Variants in TBC1D5 observed in about 807,000 individuals in gnomAD.
TBC1D5 encodes TBC1 domain family member 5.
In TBC1D5, 75 loss-of-function variants were observed where a neutral mutation model predicts 100.3. The observed-to-expected ratio is 0.75, with a 90% CI of 0.62 to 0.91. TBC1D5 has a LOEUF of 0.91. TBC1D5 is among the 40% of genes least tolerant of loss of function. TBC1D5 has a pLI of 0.00. For synonymous variants in TBC1D5, 323 were observed against 325.6 expected, an observed-to-expected ratio of 0.99 and a Z score of 0.09; for missense variants, 910 against 942.4, an observed-to-expected ratio of 0.97 and a Z score of 0.45.
At chr3:17,706,016 C>T (rs2074106307) in intron 1 of TBC1D5, 1 of 1,525,050 alleles carries the variant, frequency 6.6e-7, no homozygotes, top group Non-Finnish European at 8.9e-7. Flanking sequence ...CTTGCTGTCA[C>T]CCAGCCTGGA....
intron 2 of TBC1D5, among the ~76,000 whole-genome samples, chr3:17,521,466 A>G (rs1576488730): frequency 1.3e-5 from 2 of 152,212 alleles, no homozygotes; most frequent in African/African-American, 4.8e-5. Context: ...CATACAAAAT[A>G]TGTGTTAATC....
At chr3:17,373,178 A>C (rs1575577182) in intron 12 of TBC1D5, among the ~76,000 whole-genome samples, 1 of 152,334 alleles carries the variant, frequency 6.6e-6, no homozygotes, top group African/African-American at 2.4e-5. Flanking sequence ...AGATGTATAA[A>C]AACAGATGGT....
At chr3:17,623,776 A>G (rs2062855690) in intron 2 of TBC1D5, 73 bp downstream of exon 2, 1 of 152,152 alleles carries the variant, frequency 6.6e-6, no homozygotes, top group South Asian at 2.1e-4. Context: ...CAAAACATAA[A>G]ATTGATTAAA....
At chr3:17,345,156 T>C (rs2089674268) in intron 13 of TBC1D5, among the ~76,000 whole-genome samples, 3 of 151,982 alleles carry the variant, frequency 2.0e-5, no homozygotes, top group African/African-American at 7.2e-5. Flanking sequence ...GAGAAAATTT[T>C]TGCAACCTAC....
chr3:17,238,662 A>G (rs2076071900), intron 16 of TBC1D5, among the ~76,000 whole-genome samples: 1 of 152,232 alleles, frequency 6.6e-6, no homozygotes, highest in South Asian at 2.1e-4. Flanking sequence ...AATAGAGCTA[A>G]CCCTGCTGGG....
chr3:17,238,555 T>C, intron 16 of TBC1D5, 136 bp from the exon 17 acceptor site: 1 of 1,028,802 alleles, frequency 9.7e-7, no homozygotes. Flanking sequence ...AAGTGAGAAG[T>C]GAAAAATTTA....
chr3:17,280,059 A>G (rs2733478), intron 15 of TBC1D5, among the ~76,000 whole-genome samples: 61,523 of 152,052 alleles, frequency 0.4, 13,100 homozygotes, highest in Middle Eastern at 0.5. Flanking sequence ...TCATTATTGC[A>G]GGTACCCTGG....
intron 1 of TBC1D5, among the ~76,000 whole-genome samples, chr3:17,656,926 A>G (rs1313638089): frequency 6.6e-6 from 1 of 152,192 alleles, no homozygotes; most frequent in Non-Finnish European, 1.5e-5. Flanking sequence ...AAGGAGCGAC[A>G]GGATGGCTGG....
chr3:17,214,542 A>C (rs1463888589), intron 17 of TBC1D5, among the ~76,000 whole-genome samples, 172 bp from the exon 19 acceptor site: 2 of 152,094 alleles, frequency 1.3e-5, no homozygotes, highest in Non-Finnish European at 2.9e-5. Context: ...CAGAATAGCC[A>C]CTGGTTTTCA....
intron 3 of TBC1D5, among the ~76,000 whole-genome samples, chr3:17,464,548 T>C (rs189870345): frequency 5.4e-4 from 82 of 152,324 alleles, no homozygotes; most frequent in Middle Eastern, 3.4e-3. Flanking sequence ...CAACAGAAAC[T>C]GGGTCATAGA....
At chr3:17,687,343 C>T (rs1281776462) in intron 1 of TBC1D5, among the ~76,000 whole-genome samples, 1 of 152,090 alleles carries the variant, frequency 6.6e-6, no homozygotes, top group Admixed American at 6.6e-5. Flanking sequence ...AATCCCAACA[C>T]TTTAAGAAAC....
intron 2 of TBC1D5, among the ~76,000 whole-genome samples, chr3:17,543,881 T>G (rs2096385610): frequency 6.6e-6 from 1 of 151,764 alleles, no homozygotes; most frequent in South Asian, 2.1e-4. Flanking sequence ...TTTTTTCTTT[T>G]TTTTTGAGAC....
chr3:17,523,724 A>C (rs995237364), intron 2 of TBC1D5, among the ~76,000 whole-genome samples: 18 of 152,338 alleles, frequency 1.2e-4, no homozygotes, highest in African/African-American at 4.1e-4. Flanking sequence ...TTTAAATAGC[A>C]GTTTGCAGTT....
At chr3:17,562,390 T>C (rs550705935) in intron 2 of TBC1D5, among the ~76,000 whole-genome samples, 2 of 151,890 alleles carry the variant, frequency 1.3e-5, no homozygotes, top group East Asian at 1.9e-4. Flanking sequence ...TAAAAGAAAT[T>C]AGAAGTATAA....
At chr3:17,536,818 G>T (rs2096286496) in intron 2 of TBC1D5, among the ~76,000 whole-genome samples, 2 of 152,224 alleles carry the variant, frequency 1.3e-5, no homozygotes, top group Admixed American at 1.3e-4. Context: ...TTAGGTGGCA[G>T]CTGGTTGAGA....
At chr3:17,296,471 C>T (rs961707359) in intron 14 of TBC1D5, among the ~76,000 whole-genome samples, 1 of 152,168 alleles carries the variant, frequency 6.6e-6, no homozygotes, top group Non-Finnish European at 1.5e-5. Flanking sequence ...TTTTGACTTT[C>T]CTAAGTACAA....
At chr3:17,181,727 T>C (rs2068475031) in intron 19 of TBC1D5, among the ~76,000 whole-genome samples, 7 of 152,224 alleles carry the variant, frequency 4.6e-5, no homozygotes. Flanking sequence ...GTCTTCTATT[T>C]TCTAAGCATA....
Position 17,214,639 on chromosome 3 carries a change from T to TAAAA in TBC1D5, c.1589-273_1589-270dup, listed in dbSNP as rs202019351. ...AGCATTGCACACATATAAAAAGAAC[T>TAAAA]AAAAAAAAAAAAAAATCAAAGTTTC... is the stretch of plus-strand genomic sequence containing the variant. On this transcript the variant is annotated intron_variant, in intron 17 of 21. Coordinates refer to ENST00000253692, the Ensembl canonical transcript of TBC1D5. 2.9e-3 allele frequency among the ~76,000 whole-genome samples: 393 copies of TAAAA among 133,444 alleles called. 2 individuals are homozygous for TAAAA. The highest frequency in any genetic ancestry group is 0.01 in the African/African-American group (372 of 36,914). The allele number at this position is 133,444 out of a possible 152,430, so 87.5% of individuals were successfully genotyped here.
At chr3:17,350,898 C>T (rs977328902) in intron 13 of TBC1D5, among the ~76,000 whole-genome samples, 1 of 152,112 alleles carries the variant, frequency 6.6e-6, no homozygotes, top group African/African-American at 2.4e-5. Flanking sequence ...CATGCAGTAA[C>T]ACCACAAGCT....
Sources: gnomAD v4.1 joint callset for allele counts (sites outside exome capture counted in the v4.1 genomes callset) on GRCh38, gnomAD v4.1.1 for gene constraint, MANE v1.5 for transcripts, NCBI Gene and HGNC (gene_info 2026-07-23, HGNC 2026-07-21) for gene names.